Variants in HECW2 observed in about 807,000 individuals in gnomAD.
HECW2 encodes E3 ubiquitin-protein ligase HECW2.
In HECW2, 61 loss-of-function variants were observed where a neutral mutation model predicts 175.2. The ratio of observed to expected loss-of-function variants is 0.35; its 90% confidence interval spans 0.28 to 0.43. The LOEUF is 0.43. Ranked by LOEUF, HECW2 falls within the 20% of genes least tolerant of loss-of-function variation. The pLI is 1.00. For missense variants in HECW2, 1,524 were observed against 2,000.5 expected, an observed-to-expected ratio of 0.76 and a Z score of 4.54; for synonymous variants, 671 against 731.0, an observed-to-expected ratio of 0.92 and a Z score of 1.32.
At chr2:196,522,244 C>T (rs1688427592) in intron 1 of HECW2, among the ~76,000 whole-genome samples, 2 of 152,072 alleles carry the variant, frequency 1.3e-5, no homozygotes, top group Admixed American at 1.3e-4. Flanking sequence ...TGATGATGAG[C>T]ATTTTTTCAT....
intron 1 of HECW2, among the ~76,000 whole-genome samples, chr2:196,557,824 C>T (rs145036048): frequency 0.011 from 1,600 of 152,194 alleles, 29 homozygotes; most frequent in African/African-American, 0.036. Context: ...ACTAAAATGT[C>T]AGTATCTGTT....
chr2:196,391,810 C>G (rs1694519393), intron 2 of HECW2, among the ~76,000 whole-genome samples: 1 of 152,176 alleles, frequency 6.6e-6, no homozygotes, highest in Non-Finnish European at 1.5e-5. Context: ...TCCAAAGGCT[C>G]TAGGGAAGAA....
chr2:196,454,367 TGAA>T (rs892960581), intron 1 of HECW2, among the ~76,000 whole-genome samples: 8 of 152,244 alleles, frequency 5.3e-5, no homozygotes, highest in African/African-American at 1.9e-4. Context: ...TTAATAAACA[TGAA>T]ACTATATCAG....
At chr2:196,270,709 A>T (rs13012575) in intron 17 of HECW2, among the ~76,000 whole-genome samples, 24,732 of 150,014 alleles carry the variant, frequency 0.16, 2,519 homozygotes, top group East Asian at 0.24. Context: ...ACCTTTATTT[A>T]TTTTTTTTTT....
At chr2:196,314,659 C>A (rs960501391) in intron 10 of HECW2, among the ~76,000 whole-genome samples, 5 of 152,148 alleles carry the variant, frequency 3.3e-5, no homozygotes, top group Non-Finnish European at 5.9e-5. Flanking sequence ...ACCTACCTCA[C>A]AAAATTATTG....
intron 1 of HECW2, among the ~76,000 whole-genome samples, chr2:196,521,573 C>T (rs1403510041): frequency 6.7e-6 from 1 of 150,236 alleles, no homozygotes; most frequent in East Asian, 2.0e-4. Flanking sequence ...TGCTGGTGCG[C>T]TGCACCCACT....
intron 24 of HECW2, 50 bp from the exon 25 acceptor site, chr2:196,220,991 T>C (rs753249627): frequency 1.3e-6 from 2 of 1,585,466 alleles, no homozygotes; most frequent in Non-Finnish European, 1.7e-6. Flanking sequence ...CTCTTAATGT[T>C]ATAACAACAT....
chr2:196,498,499 G>C (rs1327362056), intron 1 of HECW2, among the ~76,000 whole-genome samples: 1 of 152,090 alleles, frequency 6.6e-6, no homozygotes, highest in Non-Finnish European at 1.5e-5. Context: ...TAACTGACTC[G>C]ATTTTACTGC....
In HECW2 at chr2:196,318,745, C is replaced by A. The variant is rs899470998; in HGVS notation, c.2145G>T (p.Gly715=). 6.5e-7 allele frequency: 1 copy of A among 1,534,092 alleles called. No homozygotes were observed. Among genetic ancestry groups the A allele is most frequent in the East Asian group, 2.3e-5 (1 of 43,736 alleles). ...GSLPVVQVPS[G]EDEGPGAESA... The stretch of plus-strand genomic sequence containing the variant: ...ATTCTGCCCCTGGCCCTTCATCCTC[C>A]CCACTGGGCACCTGTACCACAGGTA... The change falls in exon 9 of 29, where the codon GGG becomes GGT. Residue 715 remains glycine, a synonymous_variant. Coordinates refer to ENST00000644978, the MANE Select transcript of HECW2 (RefSeq NM_001348768.2).
intron 2 of HECW2, among the ~76,000 whole-genome samples, chr2:196,378,539 C>T (rs1694113831): frequency 6.6e-6 from 1 of 152,098 alleles, no homozygotes; most frequent in African/African-American, 2.4e-5. Flanking sequence ...ATATATGTAG[C>T]CCCTAAATAA....
chr2:196,268,182 C>T (rs552781565), intron 17 of HECW2, among the ~76,000 whole-genome samples: 2 of 152,312 alleles, frequency 1.3e-5, no homozygotes, highest in African/African-American at 4.8e-5. Flanking sequence ...CTCCCAAAAA[C>T]TTGACAGAAA....
intron 22 of HECW2, among the ~76,000 whole-genome samples, chr2:196,227,633 A>G (rs2105838430): frequency 6.6e-6 from 1 of 152,258 alleles, no homozygotes; most frequent in South Asian, 2.1e-4. Context: ...TGAGAGTCAG[A>G]GCCCCAGCCA....
At chr2:196,356,263 T>A (rs1417834200) in intron 2 of HECW2, among the ~76,000 whole-genome samples, 7 of 152,128 alleles carry the variant, frequency 4.6e-5, no homozygotes, top group Non-Finnish European at 1.0e-4. Flanking sequence ...TTTTTAACAA[T>A]GAGGAGAGTA....
chr2:196,224,148 G>A (rs1023585108), intron 23 of HECW2, among the ~76,000 whole-genome samples: 1 of 152,276 alleles, frequency 6.6e-6, no homozygotes, highest in African/African-American at 2.4e-5. Context: ...ATTTGTCATC[G>A]CTGTTTAAGG....
chr2:196,415,272 G>A (rs762739736), intron 2 of HECW2, among the ~76,000 whole-genome samples: 1 of 152,196 alleles, frequency 6.6e-6, no homozygotes, highest in Non-Finnish European at 1.5e-5. Flanking sequence ...TGTTAAAAGT[G>A]TAGTAGGAGT....
At chr2:196,268,644 T>C (rs7602137) in intron 17 of HECW2, among the ~76,000 whole-genome samples, 42,192 of 152,116 alleles carry the variant, frequency 0.28, 6,212 homozygotes, top group African/African-American at 0.38. Flanking sequence ...TAATTCGTAT[T>C]ACACACTAAT....
At chr2:196,592,333 G>A (rs1263953336) in intron 1 of HECW2, 1 of 152,162 alleles carries the variant, frequency 6.6e-6, no homozygotes, top group East Asian at 1.9e-4. Context: ...TGAGCTCTCT[G>A]TACTGACTCC....
chr2:196,548,699 A>T (rs992825435), intron 1 of HECW2, among the ~76,000 whole-genome samples: 10 of 152,228 alleles, frequency 6.6e-5, no homozygotes, highest in Non-Finnish European at 1.2e-4. Context: ...TGGGTGGCTT[A>T]AACAACAGAA....
At chr2:196,316,364 CTTT>C (rs955355316) in intron 10 of HECW2, 21 of 152,338 alleles carry the variant, frequency 1.4e-4, no homozygotes, top group African/African-American at 5.1e-4. Flanking sequence ...CCCCTCCCTT[CTTT>C]ATGTTCCACC....
Sources: allele counts gnomAD v4.1 joint callset (sites outside exome capture counted in the v4.1 genomes callset), GRCh38; gene constraint gnomAD v4.1.1; transcripts MANE v1.5; gene names NCBI Gene and HGNC (gene_info 2026-07-23, HGNC 2026-07-21).